Variants in ESCO1 observed in about 807,000 individuals in gnomAD.
ESCO1 encodes the protein establishment of sister chromatid cohesion N-acetyltransferase 1, also known as N-acetyltransferase ESCO1.
A neutral mutation model predicts 83.5 loss-of-function variants in ESCO1; 33 were observed. The ratio of observed to expected loss-of-function variants is 0.40; its 90% CI spans 0.30 to 0.53. The LOEUF is 0.53. Among genes scored for constraint, ESCO1 ranks in the 20% least tolerant of loss-of-function variants. The pLI, the probability that ESCO1 is intolerant of heterozygous loss-of-function variation, is 0.63. For synonymous variants in ESCO1, 332 were observed against 324.3 expected, an observed-to-expected ratio of 1.02 and a Z score of -0.25; for missense variants, 855 against 968.0, an observed-to-expected ratio of 0.88 and a Z score of 1.55.
intron 1 of ESCO1, among the ~76,000 whole-genome samples, chr18:21,599,938 G>A (rs1429360156): frequency 1.3e-5 from 2 of 152,172 alleles, no homozygotes. Context: ...TCTCTCCATC[G>A]CTATAAACTT....
At chr18:21,544,871 A>G (rs2037952502) in intron 8 of ESCO1, among the ~76,000 whole-genome samples, 6 of 152,190 alleles carry the variant, frequency 3.9e-5, no homozygotes. Flanking sequence ...AAGTATTTAG[A>G]AGTAAAAAAT....
chr18:21,574,876 T>G lies in ESCO1; in HGVS notation c.-33A>C. 6.6e-7 allele frequency: 1 copy of G among 1,517,294 alleles called. No homozygotes were observed. The highest frequency in any genetic ancestry group is 8.8e-7 in the Non-Finnish European group (1 of 1,142,846). 94.0% of individuals were successfully genotyped at this position (1,517,294 alleles called of 1,614,324 possible). ...TAATGACTTTCTTTTCTGAGTAGTT[T>G]TGAAGAGGATTTTTGTGTCCTGGTA... On this transcript the variant is annotated 5_prime_UTR_variant, in exon 4 of 12. Coordinates refer to ENST00000269214, the MANE Select transcript of ESCO1 (RefSeq NM_052911.3).
Position 21,553,545 on chromosome 18 carries a change from A to G in ESCO1, c.1953+7314T>C, listed in dbSNP as rs1047008123. 9.9e-5 allele frequency among the ~76,000 whole-genome samples: 15 copies of G among 151,916 alleles called. 1 individual carries two copies. Among genetic ancestry groups the G allele is most frequent in the African/African-American group, 3.6e-4 (15 of 41,364 alleles). The stretch of plus-strand genomic sequence containing the variant: ...CACAGGCTGGAAAAAAATACTTACA[A>G]AAGAAGTAAATGATTAAAAAACTGT... On this transcript the variant is annotated intron_variant, in intron 8 of 11. Transcript: ENST00000269214.
At chr18:21,594,361 G>A (rs1347257291) in intron 1 of ESCO1, among the ~76,000 whole-genome samples, 1 of 152,154 alleles carries the variant, frequency 6.6e-6, no homozygotes, top group African/African-American at 2.4e-5. Flanking sequence ...GGTGATTCCT[G>A]TTTTCTTCTA....
intron 7 of ESCO1, among the ~76,000 whole-genome samples, 168 bp downstream of exon 7, chr18:21,564,035 G>A (rs2038225277): frequency 6.6e-6 from 1 of 151,986 alleles, no homozygotes; most frequent in Non-Finnish European, 1.5e-5. Flanking sequence ...ATAAGTTGAA[G>A]CAATCTGCCA....
intron 9 of ESCO1, among the ~76,000 whole-genome samples, chr18:21,538,643 A>C (rs1332252566): frequency 6.6e-6 from 1 of 152,222 alleles, no homozygotes; most frequent in Non-Finnish European, 1.5e-5. Context: ...AACAGGCGCA[A>C]AGTATTTTCC....
chr18:21,535,434 G>A (rs2037823949), intron 10 of ESCO1, among the ~76,000 whole-genome samples: 1 of 150,926 alleles, frequency 6.6e-6, no homozygotes, highest in African/African-American at 2.4e-5. Context: ...CCAGGCTGGA[G>A]TGCAGTGGCG....
chr18:21,561,664 G>T (rs1017827594), intron 7 of ESCO1, among the ~76,000 whole-genome samples: 2 of 152,164 alleles, frequency 1.3e-5, no homozygotes, highest in African/African-American at 4.8e-5. Context: ...CTGACCTCAG[G>T]TGATCCACCT....
chr18:21,537,788 A>G (rs973982256), intron 9 of ESCO1, among the ~76,000 whole-genome samples: 2 of 152,332 alleles, frequency 1.3e-5, no homozygotes, highest in South Asian at 2.1e-4. Flanking sequence ...GTAGTGTAGC[A>G]AAAGTTCCCA....
chr18:21,598,500 G>C (rs1231926647), intron 1 of ESCO1, among the ~76,000 whole-genome samples: 2 of 151,392 alleles, frequency 1.3e-5, no homozygotes, highest in Non-Finnish European at 2.9e-5. Flanking sequence ...AGGAGTTCAA[G>C]ACCAGCCTGG....
In ESCO1 at chr18:21,573,583, TG is replaced by T; in HGVS notation, c.1260del (p.Ser421ValfsTer7). The T allele has an allele frequency of 6.2e-7, 1 of 1,614,180 alleles. No homozygotes were observed. On this transcript the variant is annotated frameshift_variant, in exon 4 of 12. Transcript: ENST00000269214. LOFTEE classifies it high-confidence loss of function. ...ATTTCTAAAGCTGGTGGTGAAAAAC[TG>T]GTTCGTAATAAGCCTAATTTAGGGG... ...QVSPKLGLLR[T>X]SFSPPALEMH...
chr18:21,559,135 C>T (rs970439592), intron 8 of ESCO1, among the ~76,000 whole-genome samples: 58 of 152,208 alleles, frequency 3.8e-4, no homozygotes, highest in African/African-American at 1.3e-3. Context: ...CTTCCTTAGA[C>T]TCTGTGTATA....
At chr18:21,564,838 T>C (rs2038237849) in intron 6 of ESCO1, among the ~76,000 whole-genome samples, 1 of 151,912 alleles carries the variant, frequency 6.6e-6, no homozygotes, top group Non-Finnish European at 1.5e-5. Context: ...GGCAGGCAGA[T>C]TGCCTGAGCT....
chr18:21,558,538 G>T (rs773244587), intron 8 of ESCO1, among the ~76,000 whole-genome samples: 13 of 152,012 alleles, frequency 8.6e-5, no homozygotes, highest in Non-Finnish European at 1.8e-4. Flanking sequence ...AGACCAGCCT[G>T]ACCAATACAG....
rs770486163 is a variant in ESCO1 at position 21,532,570 on chromosome 18, T to C, written c.2278A>G (p.Thr760Ala). The stretch of plus-strand genomic sequence containing the variant: ...CCGCAGATTGCAGGCTCTGGTAATG[T>C]TGAGCAGCACCAGGCTTTTTGCCTT... ...FERQKAWCCS[T>A]LPEPAICGIS... is the part of the protein sequence containing the mutation. Residue 760 changes from threonine to alanine, a missense_variant, in exon 11 of 12, where the codon ACA (threonine) becomes GCA (alanine). By Grantham distance (58) the Thr-to-Ala change is moderately conservative (BLOSUM62 0). This residue lies in a region of ESCO1 where 129 missense variants were observed against 268.5 expected (regional missense o/e 0.48). Transcript: ENST00000269214. The C allele has an allele frequency of 4.3e-6, 7 of 1,614,160 alleles. No homozygotes were observed. The highest frequency in any genetic ancestry group is 1.1e-5 in the South Asian group (1 of 91,088).
Position 21,566,150 on chromosome 18 carries a change from T to C in ESCO1, c.1702A>G (p.Asn568Asp), listed in dbSNP as rs547636154. 2 of 1,612,604 alleles carry C rather than the reference T, an allele frequency of 1.2e-6. No individual in the cohort carries two copies. Among genetic ancestry groups the C allele is most frequent in the East Asian group, 2.2e-5 (1 of 44,750 alleles). The change falls in exon 6 of 12, where the codon AAC becomes GAC. Residue 568 changes from asparagine (N) to aspartate (D), a missense_variant. This residue lies in a region of ESCO1 where 726 missense variants were observed against 699.5 expected (regional missense o/e 1.04). Transcript: ENST00000269214. Reference protein sequence around the residue: ...LSNQTSKSSDNRETPRNHSLP... With the variant: ...LSNQTSKSSDDRETPRNHSLP... The stretch of plus-strand genomic sequence containing the variant: ...AAAATTTAATTAATAGCTTACCTGT[T>C]ATCACTGCTTTTAGATGTCTGGTTA...
chr18:21,598,625 C>T (rs2038797815), intron 1 of ESCO1, among the ~76,000 whole-genome samples: 1 of 152,060 alleles, frequency 6.6e-6, no homozygotes, highest in South Asian at 2.1e-4. Flanking sequence ...TCACTTGAAC[C>T]CAGGAGGCGG....
chr18:21,535,988 C>T lies in ESCO1; in HGVS notation c.2187+54G>A, dbSNP rs139003214. 6.0e-4 allele frequency: 947 copies of T among 1,572,164 alleles called. 1 individual carries two copies. Among genetic ancestry groups the T allele is most frequent in the Middle Eastern group, 1.2e-3 (7 of 5,646 alleles). ...TCAGGATTTATGTTATTTGGGATTA[C>T]GTTGTAAACTCATTAAACACCAAAT... On this transcript the variant is annotated intron_variant, in intron 10 of 11. Transcript: ENST00000269214.
At chr18:21,531,868 G>A (rs1045677023) in intron 11 of ESCO1, among the ~76,000 whole-genome samples, 12 of 95,182 alleles carry the variant, frequency 1.3e-4, no homozygotes, top group Admixed American at 1.8e-4. Context: ...ACTCCAGCCC[G>A]GAACAACAGA....
Sources: gnomAD v4.1 joint callset for allele counts (sites outside exome capture counted in the v4.1 genomes callset) on GRCh38, gnomAD v4.1.1 for gene constraint, gnomAD v4.1.1 regional missense constraint, MANE v1.5 for transcripts, NCBI Gene and HGNC (gene_info 2026-07-23, HGNC 2026-07-21) for gene names.